DLEU7: variants seen among roughly 807,000 people sequenced by gnomAD.
The protein encoded by DLEU7 is leukemia-associated protein 7.
A neutral mutation model predicts 16.0 loss-of-function variants in DLEU7; 17 were observed. The observed-to-expected ratio is 1.06, with a 90% CI of 0.73 to 1.59. The LOEUF is 1.59. DLEU7 is among the 40% of genes most tolerant of loss of function. DLEU7 has a pLI of 0.00. For synonymous variants in DLEU7, 113 were observed against 139.8 expected, an observed-to-expected ratio of 0.81 and a Z score of 1.35; for missense variants, 308 against 314.9, an observed-to-expected ratio of 0.98 and a Z score of 0.17.
intron 1 of DLEU7, among the ~76,000 whole-genome samples, chr13:50,806,533 T>G (rs1188997640): frequency 6.6e-6 from 1 of 152,160 alleles, no homozygotes; most frequent in Non-Finnish European, 1.5e-5. Flanking sequence ...TTATATTTTC[T>G]ATTGCCCTAA....
chr13:50,747,677 G>A (rs1203825484), intron 1 of DLEU7, among the ~76,000 whole-genome samples: 1 of 152,052 alleles, frequency 6.6e-6, no homozygotes, highest in East Asian at 1.9e-4. Flanking sequence ...GGTTGTTTCT[G>A]TAAGTGATGA....
chr13:50,771,125 C>A (rs186618120), intron 1 of DLEU7, among the ~76,000 whole-genome samples: 2 of 152,270 alleles, frequency 1.3e-5, no homozygotes, highest in East Asian at 3.8e-4. Context: ...CCCCCTTTAT[C>A]ATTTTTTATT....
At chr13:50,805,838 G>A (rs79032692) in intron 1 of DLEU7, among the ~76,000 whole-genome samples, 2 of 151,874 alleles carry the variant, frequency 1.3e-5, no homozygotes, top group Non-Finnish European at 2.9e-5. Flanking sequence ...TTTCTTTTTT[G>A]GGAAGTAAAG....
intron 1 of DLEU7, among the ~76,000 whole-genome samples, chr13:50,788,851 C>A (rs1277656950): frequency 2.6e-5 from 4 of 152,030 alleles, no homozygotes; most frequent in Admixed American, 6.6e-5. Flanking sequence ...ACCCTTTCAC[C>A]CTCACACCCC....
intron 1 of DLEU7, among the ~76,000 whole-genome samples, chr13:50,809,925 A>T (rs1876514318): frequency 6.6e-6 from 1 of 151,886 alleles, no homozygotes; most frequent in African/African-American, 2.4e-5. Flanking sequence ...CACGTTAGGG[A>T]CTCTGTTTGT....
chr13:50,835,808 A>T (rs1275483576), intron 1 of DLEU7, among the ~76,000 whole-genome samples: 1 of 152,198 alleles, frequency 6.6e-6, no homozygotes, highest in Non-Finnish European at 1.5e-5. Flanking sequence ...AACAACTGAA[A>T]ATGCACCTGC....
At chr13:50,761,332 C>T (rs558913432) in intron 1 of DLEU7, among the ~76,000 whole-genome samples, 33 of 151,968 alleles carry the variant, frequency 2.2e-4, no homozygotes, top group African/African-American at 7.5e-4. Context: ...AGAAGGGGGA[C>T]GAATTGTTTT....
At chr13:50,791,458 C>T (rs931692384) in intron 1 of DLEU7, among the ~76,000 whole-genome samples, 14 of 152,096 alleles carry the variant, frequency 9.2e-5, no homozygotes, top group African/African-American at 2.2e-4. Context: ...GGGGAGCAGT[C>T]GGAACAGGGT....
intron 1 of DLEU7, among the ~76,000 whole-genome samples, chr13:50,750,404 C>G (rs1040539500): frequency 1.3e-5 from 2 of 151,984 alleles, no homozygotes; most frequent in African/African-American, 2.4e-5. Flanking sequence ...CTTAGTCTTG[C>G]TTTGGCTATG....
At chr13:50,781,439 T>C (rs1305461628) in intron 1 of DLEU7, among the ~76,000 whole-genome samples, 2 of 152,224 alleles carry the variant, frequency 1.3e-5, no homozygotes, top group South Asian at 2.1e-4. Context: ...ACTGTGAAAA[T>C]AGTTTTGAAC....
chr13:50,805,890 G>T (rs9535487), intron 1 of DLEU7, among the ~76,000 whole-genome samples: 15,895 of 152,212 alleles, frequency 0.1, 1,269 homozygotes, highest in African/African-American at 0.21. Context: ...TATTGTACAT[G>T]GTTGCTTCAG....
intron 1 of DLEU7, among the ~76,000 whole-genome samples, chr13:50,737,885 A>T (rs1310268032): frequency 6.6e-6 from 1 of 150,750 alleles, no homozygotes; most frequent in African/African-American, 2.5e-5. Context: ...GGCCTGTAAA[A>T]ACCCAAGATG....
At chr13:50,807,017 C>CT (rs1043068353) in intron 1 of DLEU7, among the ~76,000 whole-genome samples, 10 of 148,366 alleles carry the variant, frequency 6.7e-5, no homozygotes, top group South Asian at 2.1e-4. Context: ...GCTCCTCTGC[C>CT]TTTTTTTTTC....
intron 1 of DLEU7, among the ~76,000 whole-genome samples, chr13:50,744,567 T>C (rs927324307): frequency 6.6e-6 from 1 of 152,134 alleles, no homozygotes; most frequent in Non-Finnish European, 1.5e-5. Context: ...AGAGAGGAAA[T>C]CTTTTAAAGG....
In DLEU7 at chr13:50,823,528, G is replaced by A; in HGVS notation, c.460-8C>T. 6.5e-7 allele frequency: 1 copy of A among 1,535,178 alleles called. No individual in the cohort carries two copies. Among genetic ancestry groups the A allele is most frequent in the Non-Finnish European group, 8.7e-7 (1 of 1,146,202 alleles). ...TCTAAACTCAACACTATCCTGAAAT[G>A]AACAACAAACACAAACAAGAAATTA... On this transcript the variant is annotated splice_polypyrimidine_tract_variant and splice_region_variant and intron_variant, in intron 1 of 1. Transcript: ENST00000504404.
At chr13:50,752,052 CT>C (rs200928092) in intron 1 of DLEU7, among the ~76,000 whole-genome samples, 4,282 of 135,586 alleles carry the variant, frequency 0.032, 112 homozygotes, top group African/African-American at 0.086. Flanking sequence ...CTCTTTCAGT[CT>C]TTTTTTTTTT....
intron 1 of DLEU7, among the ~76,000 whole-genome samples, chr13:50,769,107 T>C (rs1875210689): frequency 6.6e-6 from 1 of 152,192 alleles, no homozygotes; most frequent in African/African-American, 2.4e-5. Flanking sequence ...CTGTTCATAT[T>C]CTTTGCCCAT....
intron 1 of DLEU7, among the ~76,000 whole-genome samples, chr13:50,811,159 T>C (rs1291339403): frequency 6.6e-6 from 1 of 152,172 alleles, no homozygotes; most frequent in Admixed American, 6.6e-5. Flanking sequence ...CTGCAACTTA[T>C]TGCTCTGACT....
intron 1 of DLEU7, among the ~76,000 whole-genome samples, chr13:50,752,855 G>T (rs1057131999): frequency 7.9e-5 from 12 of 152,108 alleles, no homozygotes; most frequent in Non-Finnish European, 1.0e-4. Context: ...ACCCAAGCGG[G>T]TTGCCACTGC....
Sources: allele counts gnomAD v4.1 joint callset (sites outside exome capture counted in the v4.1 genomes callset), GRCh38; gene constraint gnomAD v4.1.1; transcripts MANE v1.5; gene names NCBI Gene and HGNC (gene_info 2026-07-23, HGNC 2026-07-21).